ADAMTSL1: variants seen among roughly 807,000 people sequenced by gnomAD.
ADAMTSL1 encodes ADAMTS like 1, also known as ADAMTS-like protein 1.
ADAMTSL1 carries 126 observed loss-of-function variants against 201.8 expected under a neutral mutation model. The observed-to-expected ratio is 0.62, with a 90% CI of 0.54 to 0.72. The LOEUF (loss-of-function observed/expected upper bound fraction) is 0.72, where lower values mean the gene tolerates loss of function less well. ADAMTSL1 is among the 30% of genes least tolerant of loss of function. ADAMTSL1 has a pLI of 0.00. For missense variants in ADAMTSL1, 2,679 were observed against 2,277.8 expected (o/e 1.18, Z -3.59); for synonymous variants, 1,121 against 903.4 (o/e 1.24, Z -4.32).
chr9:18,744,371 C>T (rs1819011618), intron 15 of ADAMTSL1, among the ~76,000 whole-genome samples: 1 of 152,214 alleles, frequency 6.6e-6, no homozygotes, highest in Non-Finnish European at 1.5e-5. Context: ...GCAATGAATG[C>T]TTAAATGAGA....
upstream of ADAMTSL1, among the ~76,000 whole-genome samples, chr9:18,469,666 A>G (rs556363319): frequency 2.4e-4 from 36 of 152,338 alleles, 1 homozygote; most frequent in South Asian, 2.9e-3. Flanking sequence ...CAGCTAATAA[A>G]TGCATGTCCC....
chr9:18,825,182 C>G (rs1824470345), intron 21 of ADAMTSL1, among the ~76,000 whole-genome samples: 2 of 152,094 alleles, frequency 1.3e-5, no homozygotes, highest in African/African-American at 4.8e-5. Context: ...ATAGGATCCT[C>G]CTAAAACAGC....
intron 4 of ADAMTSL1, among the ~76,000 whole-genome samples, chr9:18,611,678 T>C (rs1825377316): frequency 6.6e-6 from 1 of 152,196 alleles, no homozygotes; most frequent in South Asian, 2.1e-4. Context: ...AGCCATTAGA[T>C]GGTTTAGATT....
At chr9:18,181,953 A>C (rs1828499587) in intron 2 of ADAMTSL1, among the ~76,000 whole-genome samples, 1 of 152,296 alleles carries the variant, frequency 6.6e-6, no homozygotes, top group African/African-American at 2.4e-5. Context: ...AATACTATGC[A>C]GCCATAAAAA....
intron 3 of ADAMTSL1, chr9:18,573,213 T>A (rs878953564): frequency 6.5e-6 from 1 of 153,704 alleles, no homozygotes; most frequent in Non-Finnish European, 1.5e-5. Flanking sequence ...CATTAAATAA[T>A]CATAGTAATA....
intron 2 of ADAMTSL1, among the ~76,000 whole-genome samples, chr9:18,521,150 A>C (rs1818667760): frequency 6.6e-6 from 1 of 152,194 alleles, no homozygotes; most frequent in African/African-American, 2.4e-5. Flanking sequence ...TTAATGTTTA[A>C]GGTCAGTTTC....
At chr9:17,921,953 T>G (rs910325140) in intron 1 of ADAMTSL1, among the ~76,000 whole-genome samples, 2 of 152,180 alleles carry the variant, frequency 1.3e-5, no homozygotes, top group Non-Finnish European at 2.9e-5. Flanking sequence ...ATATTTTATT[T>G]TATACATTTT....
At chr9:18,377,938 C>T (rs974547691) in intron 2 of ADAMTSL1, among the ~76,000 whole-genome samples, 2 of 152,072 alleles carry the variant, frequency 1.3e-5, no homozygotes, top group Admixed American at 6.5e-5. Context: ...TCAATTCTGT[C>T]TCTATACTCA....
intron 2 of ADAMTSL1, among the ~76,000 whole-genome samples, chr9:18,279,705 T>G (rs1230341261): frequency 6.6e-6 from 1 of 151,668 alleles, no homozygotes; most frequent in African/African-American, 2.4e-5. Context: ...ACTATGCAGT[T>G]CCATCTACAC....
intron 1 of ADAMTSL1, among the ~76,000 whole-genome samples, chr9:18,090,647 G>A (rs923808641): frequency 1.3e-5 from 2 of 152,182 alleles, no homozygotes; most frequent in Non-Finnish European, 1.5e-5. Context: ...ATTGCGGAAT[G>A]TGAAAAAGTT....
intron 3 of ADAMTSL1, among the ~76,000 whole-genome samples, chr9:18,534,640 A>G (rs1819645373): frequency 1.3e-5 from 2 of 152,212 alleles, no homozygotes; most frequent in African/African-American, 2.4e-5. Context: ...GATATTCTCT[A>G]TGAGGGCTCC....
intron 2 of ADAMTSL1, among the ~76,000 whole-genome samples, chr9:18,205,684 C>G (rs1020948457): frequency 1.3e-5 from 2 of 151,984 alleles, no homozygotes; most frequent in South Asian, 4.2e-4. Flanking sequence ...TTCATATTTC[C>G]TGGAGCAAGA....
In ADAMTSL1 at chr9:18,840,685, A is replaced by G. The variant is rs181391569; in HGVS notation, c.4249+10708A>G. 1.6e-3 allele frequency among the ~76,000 whole-genome samples: 236 copies of G among 152,132 alleles called. 1 individual carries two copies. The highest frequency in any genetic ancestry group is 5.4e-3 in the African/African-American group (226 of 41,514). On this transcript the variant is annotated intron_variant, in intron 23 of 28. Coordinates refer to ENST00000380548, the MANE Select transcript of ADAMTSL1 (RefSeq NM_001040272.6). ...ACCCATGAGCATGGAATGTTCTTCC[A>G]TTTGTTTGTATCCTCTTTTATTTCG...
chr9:18,867,210 A>G (rs970689054), intron 23 of ADAMTSL1, among the ~76,000 whole-genome samples: 1 of 152,276 alleles, frequency 6.6e-6, no homozygotes, highest in Non-Finnish European at 1.5e-5. Flanking sequence ...GGTATTGAGC[A>G]CAAATGAAAG....
intron 22 of ADAMTSL1, among the ~76,000 whole-genome samples, 151 bp downstream of exon 22, chr9:18,826,614 T>C (rs1243173323): frequency 6.6e-6 from 1 of 152,194 alleles, no homozygotes; most frequent in East Asian, 1.9e-4. Flanking sequence ...GGCCTTTCGA[T>C]AGAACACAAA....
Position 18,206,601 on chromosome 9 carries a change from A to G in ADAMTSL1, c.207+42620A>G, listed in dbSNP as rs111303157. 4.4e-3 allele frequency among the ~76,000 whole-genome samples: 672 copies of G among 152,214 alleles called. 4 individuals carry two copies. The highest frequency in any genetic ancestry group is 7.8e-3 in the Non-Finnish European group (528 of 68,010). On this transcript the variant is annotated intron_variant, in intron 2 of 29. Transcript: ENST00000680146. Reference sequence around the variant, plus strand: ...AGACTTCTAGCCCTACATTAACCAGATCATGTCAAAATTATGTTACCACAT... The same window carrying G: ...AGACTTCTAGCCCTACATTAACCAGGTCATGTCAAAATTATGTTACCACAT...
intron 1 of ADAMTSL1, among the ~76,000 whole-genome samples, chr9:18,045,058 C>T (rs1209839131): frequency 6.6e-6 from 1 of 152,090 alleles, no homozygotes; most frequent in Non-Finnish European, 1.5e-5. Context: ...GTAAACTCTG[C>T]CTTCTGTTAG....
chr9:17,955,660 A>G (rs1827900796), intron 1 of ADAMTSL1, among the ~76,000 whole-genome samples: 1 of 152,078 alleles, frequency 6.6e-6, no homozygotes, highest in Non-Finnish European at 1.5e-5. Context: ...GCATATCCAC[A>G]CTGTAGATGT....
chr9:18,689,785 C>T (rs1395787236), intron 13 of ADAMTSL1, among the ~76,000 whole-genome samples: 1 of 152,188 alleles, frequency 6.6e-6, no homozygotes, highest in Non-Finnish European at 1.5e-5. Flanking sequence ...AGCTGGCATT[C>T]GCCAGGTGGA....
Sources: gnomAD v4.1 joint callset for allele counts (sites outside exome capture counted in the v4.1 genomes callset) on GRCh38, gnomAD v4.1.1 for gene constraint, MANE v1.5 for transcripts, NCBI Gene and HGNC (gene_info 2026-07-23, HGNC 2026-07-21) for gene names.